CERS6: variants seen among roughly 807,000 people sequenced by gnomAD.
CERS6 encodes ceramide synthase 6.
CERS6 carries 26 observed loss-of-function variants against 56.8 expected under a neutral mutation model. That is an observed-to-expected ratio of 0.46 (90% confidence interval 0.34 to 0.63). The LOEUF is 0.63. Ranked by LOEUF, CERS6 falls within the 30% of genes least tolerant of loss-of-function variation. CERS6 has a pLI of 0.01. For synonymous variants in CERS6, 164 were observed against 173.3 expected, an observed-to-expected ratio of 0.95 and a Z score of 0.42; for missense variants, 415 against 467.5, an observed-to-expected ratio of 0.89 and a Z score of 1.04.
At chr2:168,646,675 T>C (rs1685211406) in intron 4 of CERS6, among the ~76,000 whole-genome samples, 1 of 152,222 alleles carries the variant, frequency 6.6e-6, no homozygotes, top group African/African-American at 2.4e-5. Flanking sequence ...TTTTGTGTTT[T>C]GCATTTAAGT....
intron 1 of CERS6, among the ~76,000 whole-genome samples, chr2:168,494,977 T>G (rs1433000426): frequency 1.3e-5 from 2 of 152,102 alleles, no homozygotes; most frequent in East Asian, 3.9e-4. Flanking sequence ...ACACACATTC[T>G]TTTTAGACCA....
At chr2:168,531,713 C>T (rs774771477) in intron 1 of CERS6, among the ~76,000 whole-genome samples, 1 of 151,372 alleles carries the variant, frequency 6.6e-6, no homozygotes, top group Non-Finnish European at 1.5e-5. Flanking sequence ...TCCAGTTACT[C>T]GGGAGGCTAA....
At position 168,546,919 on chromosome 2, in the gene CERS6, T is replaced by C. The variant is rs537691508; in HGVS notation, c.171-677T>C. Among the ~76,000 whole-genome samples, 9 of 152,330 alleles carry C rather than the reference T, an allele frequency of 5.9e-5. No individual in the cohort carries two copies. In the East Asian group the frequency reaches 1.2e-3, roughly 20 times the overall value. ...CAGCAAATGCGACCAGAAAGAAGGC[T>C]CAGTCCTCCCATTCCTCTTGACGTA... On this transcript the variant is annotated intron_variant, in intron 1 of 9. Coordinates refer to ENST00000305747, the MANE Select transcript of CERS6 (RefSeq NM_203463.3).
intron 3 of CERS6, among the ~76,000 whole-genome samples, chr2:168,610,237 A>G (rs1344507793): frequency 6.6e-6 from 1 of 152,126 alleles, no homozygotes; most frequent in Non-Finnish European, 1.5e-5. Context: ...TCGGCCTCCC[A>G]AAGTGCTGGG....
At chr2:168,596,540 G>T (rs988842806) in intron 3 of CERS6, among the ~76,000 whole-genome samples, 1 of 144,630 alleles carries the variant, frequency 6.9e-6, no homozygotes, top group East Asian at 2.0e-4. Context: ...TTGTTTCAGG[G>T]CCCCATCCCC....
intron 8 of CERS6, among the ~76,000 whole-genome samples, chr2:168,747,415 A>C (rs1418316072): frequency 6.6e-6 from 1 of 152,088 alleles, no homozygotes; most frequent in Non-Finnish European, 1.5e-5. Flanking sequence ...ATGGATTTTT[A>C]ATCATTTTTT....
chr2:168,502,213 G>A (rs930100173), intron 1 of CERS6, among the ~76,000 whole-genome samples: 2 of 151,920 alleles, frequency 1.3e-5, no homozygotes, highest in African/African-American at 2.4e-5. Flanking sequence ...TCTTTGCAGA[G>A]TGCTGGCTAA....
intron 3 of CERS6, among the ~76,000 whole-genome samples, chr2:168,585,608 A>G (rs1683522465): frequency 6.6e-6 from 1 of 152,236 alleles, no homozygotes; most frequent in Non-Finnish European, 1.5e-5. Flanking sequence ...GTGGTGTGGC[A>G]GATGCTCCAT....
Position 168,554,798 on chromosome 2 carries a change from G to A in CERS6, c.277-6394G>A, listed in dbSNP as rs535383012. ...AGCATAGGTGAAGGTATACAGGCAC[G>A]TATAAATAACAAAGTAGGATTTCTA... On this transcript the variant is annotated intron_variant, in intron 2 of 9. Transcript: ENST00000305747. Among the ~76,000 whole-genome samples, 6 of 152,266 alleles carry A rather than the reference G, an allele frequency of 3.9e-5. No homozygotes were observed. In the East Asian group the frequency reaches 7.7e-4, roughly 20 times the overall value.
intron 6 of CERS6, among the ~76,000 whole-genome samples, chr2:168,700,529 A>G (rs1574172010): frequency 6.6e-6 from 1 of 152,202 alleles, no homozygotes; most frequent in African/African-American, 2.4e-5. Context: ...GAAAGGTTAC[A>G]TATTGTAATA....
At chr2:168,743,891 T>G (rs1684002472) in intron 8 of CERS6, among the ~76,000 whole-genome samples, 1 of 151,868 alleles carries the variant, frequency 6.6e-6, no homozygotes, top group East Asian at 1.9e-4. Flanking sequence ...TGAATAGAAA[T>G]TTACTTGATT....
chr2:168,637,202 G>A (rs950479723), intron 4 of CERS6, among the ~76,000 whole-genome samples: 1 of 152,178 alleles, frequency 6.6e-6, no homozygotes, highest in Admixed American at 6.5e-5. Flanking sequence ...AAATTGCCAG[G>A]CACGGTGGCT....
At chr2:168,701,935 A>C (rs1574173279) in intron 6 of CERS6, among the ~76,000 whole-genome samples, 1 of 152,158 alleles carries the variant, frequency 6.6e-6, no homozygotes, top group African/African-American at 2.4e-5. Flanking sequence ...TCATCTCTAG[A>C]TTACATAATA....
chr2:168,733,344 T>A (rs571220813), intron 8 of CERS6, among the ~76,000 whole-genome samples: 1 of 152,324 alleles, frequency 6.6e-6, no homozygotes, highest in African/African-American at 2.4e-5. Context: ...TGGACCAGTA[T>A]CTTGAGAACC....
chr2:168,725,044 T>C (rs959372882), intron 8 of CERS6, among the ~76,000 whole-genome samples: 1 of 152,140 alleles, frequency 6.6e-6, no homozygotes, highest in African/African-American at 2.4e-5. Context: ...CCCTGCCCCA[T>C]GGGAAGGCAG....
rs374333060 is a variant in CERS6 at position 168,695,059 on chromosome 2, C to T, written c.609+8C>T. Reference sequence around the variant, plus strand: ...ACTGATATCAAAAGAAAGGTAAGAGCGGTTATGTCGTAAAGTGCTTGCAAG... The same window carrying T: ...ACTGATATCAAAAGAAAGGTAAGAGTGGTTATGTCGTAAAGTGCTTGCAAG... On this transcript the variant is annotated splice_region_variant and intron_variant, in intron 6 of 9. Coordinates refer to ENST00000305747, the MANE Select transcript of CERS6 (RefSeq NM_203463.3). 2.1e-5 allele frequency: 33 copies of T among 1,606,046 alleles called. No individual in the cohort carries two copies. Among genetic ancestry groups the T allele is most frequent in the African/African-American group, 5.4e-5 (4 of 74,670 alleles).
intron 8 of CERS6, among the ~76,000 whole-genome samples, chr2:168,756,425 A>G (rs760801039): frequency 6.6e-6 from 1 of 152,242 alleles, no homozygotes; most frequent in Non-Finnish European, 1.5e-5. Context: ...TTTTGTGTAC[A>G]TGACAAAGTA....
chr2:168,494,668 A>C (rs772195518), intron 1 of CERS6, among the ~76,000 whole-genome samples: 1 of 152,176 alleles, frequency 6.6e-6, no homozygotes, highest in African/African-American at 2.4e-5. Flanking sequence ...ACCCAGAGCC[A>C]GCGAACGAGT....
chr2:168,517,289 C>T (rs752520337), intron 1 of CERS6, among the ~76,000 whole-genome samples: 3 of 151,488 alleles, frequency 2.0e-5, no homozygotes, highest in Non-Finnish European at 4.4e-5. Flanking sequence ...GTCAGGAGTT[C>T]GACATCAGCC....
Sources: allele counts gnomAD v4.1 joint callset (sites outside exome capture counted in the v4.1 genomes callset), GRCh38; gene constraint gnomAD v4.1.1; transcripts MANE v1.5; gene names NCBI Gene and HGNC (gene_info 2026-07-23, HGNC 2026-07-21).